AMMECR1: variants seen among roughly 807,000 people sequenced by gnomAD.
AMMECR1 encodes the protein nuclear protein AMMECR1.
A neutral mutation model predicts 22.5 loss-of-function variants in AMMECR1; 3 were observed. That is an observed-to-expected ratio of 0.13 (90% confidence interval 0.06 to 0.35). The LOEUF (loss-of-function observed/expected upper bound fraction) is 0.35. Among genes scored for constraint, AMMECR1 ranks in the 10% least tolerant of loss-of-function variants. The probability of loss-of-function intolerance (pLI) is 1.00; values close to 1 mark genes in which losing one functional copy is unlikely to be tolerated. For synonymous variants in AMMECR1, 130 were observed against 116.7 expected (o/e 1.11, Z -0.74); for missense variants, 235 against 278.7 (o/e 0.84, Z 1.12).
At chrX:110,253,153 T>C (rs2067694606) in intron 2 of AMMECR1, among the ~76,000 whole-genome samples, 1 of 110,301 alleles carries the variant, frequency 9.1e-6, no homozygotes. Flanking sequence ...AAGAGGGGAG[T>C]AGGAGATGAG....
At chrX:110,275,449 T>C (rs180859410) in intron 1 of AMMECR1, among the ~76,000 whole-genome samples, 120 of 111,310 alleles carry the variant, frequency 1.1e-3, no homozygotes, top group Middle Eastern at 4.6e-3. Context: ...GAGAAGTATA[T>C]GGTTCTTCTC....
At chrX:110,215,603 TGAGA>T (rs2067469756) in intron 3 of AMMECR1, among the ~76,000 whole-genome samples, 1 of 112,092 alleles carries the variant, frequency 8.9e-6, no homozygotes, top group South Asian at 3.7e-4. Context: ...AGTGTATGTG[TGAGA>T]GAGAATGTTA....
rs764591800 is a variant in AMMECR1 at position 110,411,136 on chromosome X, G to C, written c.-148+15522C>G. 8.4e-4 allele frequency among the ~76,000 whole-genome samples: 94 copies of C among 112,066 alleles called. 1 individual carries two copies. The highest frequency in any genetic ancestry group is 1.6e-3 in the Non-Finnish European group (86 of 53,216). On this transcript the variant is annotated intron_variant, in intron 2 of 7. Coordinates refer to the AMMECR1 transcript ENST00000372057. Reference sequence around the variant, plus strand: ...GCAAGAGAAGTCAGGGGGCCTATTGGAAAGGAAAAATACTGTGGCCTCCGA... The same window carrying C: ...GCAAGAGAAGTCAGGGGGCCTATTGCAAAGGAAAAATACTGTGGCCTCCGA...
rs763540189 is a variant in AMMECR1, at chrX:110,407,602, C to T, written c.-148+19056G>A. On this transcript the variant is annotated intron_variant, in intron 2 of 7. Coordinates refer to the AMMECR1 transcript ENST00000372057. ...AGAGAGTCTAAGTGAATTTCTTTGT[C>T]TTTAAGCAGTATGAGATAGACCCTG... Among the ~76,000 whole-genome samples, 10 of 112,241 alleles carry T rather than the reference C, an allele frequency of 8.9e-5. 1 individual carries two copies. The South Asian group carries it at 3.7e-3, about 42-fold the overall frequency.
chrX:110,264,947 G>T (rs996989071), intron 1 of AMMECR1, among the ~76,000 whole-genome samples: 4 of 111,508 alleles, frequency 3.6e-5, no homozygotes, highest in African/African-American at 1.3e-4. Flanking sequence ...CTCAAACCTG[G>T]GCAATCTTAA....
intron 2 of AMMECR1, among the ~76,000 whole-genome samples, chrX:110,253,118 G>A (rs2067694361): frequency 8.9e-6 from 1 of 112,497 alleles, no homozygotes; most frequent in African/African-American, 3.2e-5. Context: ...GCCTAGCTAA[G>A]GCCAAGAGAA....
intron 2 of AMMECR1, among the ~76,000 whole-genome samples, chrX:110,394,426 T>C (rs889125986): frequency 4.5e-5 from 5 of 111,948 alleles, no homozygotes; most frequent in Non-Finnish European, 9.4e-5. Flanking sequence ...TAAATTTTTG[T>C]ATTTTTAGTA....
chrX:110,287,967 G>A, intron 1 of AMMECR1, among the ~76,000 whole-genome samples: 1 of 112,015 alleles, frequency 8.9e-6, no homozygotes, highest in Admixed American at 9.4e-5. Flanking sequence ...CTCTTCAGGA[G>A]CTTATACTCT....
intron 2 of AMMECR1, among the ~76,000 whole-genome samples, chrX:110,412,133 C>A (rs1057477606): frequency 1.8e-5 from 2 of 112,366 alleles, no homozygotes; most frequent in Non-Finnish European, 3.8e-5. Flanking sequence ...TCAGCTTTTA[C>A]CTCTCAAATT....
At chrX:110,417,159 C>G (rs750219584) in intron 2 of AMMECR1, among the ~76,000 whole-genome samples, 1 of 112,164 alleles carries the variant, frequency 8.9e-6, no homozygotes, top group African/African-American at 3.2e-5. Context: ...TCTATCCTTA[C>G]CCACTCTGAA....
chrX:110,219,616 T>TAA, intron 2 of AMMECR1: 1 of 739,762 alleles, frequency 1.4e-6, no homozygotes, highest in Non-Finnish European at 1.6e-6. Context: ...ATTCTAGGCT[T>TAA]AAAAAAAAAG....
chrX:110,348,197 AAC>A (rs750577627), intron 2 of AMMECR1, among the ~76,000 whole-genome samples: 153 of 112,126 alleles, frequency 1.4e-3, no homozygotes, highest in Middle Eastern at 4.6e-3. Context: ...CCACCAGATC[AAC>A]AGTTACTTTG....
At chrX:110,407,496 A>G (rs1419311856) in intron 2 of AMMECR1, among the ~76,000 whole-genome samples, 1 of 112,689 alleles carries the variant, frequency 8.9e-6, no homozygotes. Flanking sequence ...CTAGCAGATT[A>G]CTATGTGGCA....
At chrX:110,401,765 C>A (rs772732551) in intron 2 of AMMECR1, among the ~76,000 whole-genome samples, 1 of 112,037 alleles carries the variant, frequency 8.9e-6, no homozygotes. Context: ...TCTCAGTGAG[C>A]CTTCGTTTCC....
At chrX:110,436,682 C>T (rs1000682331) in intron 1 of AMMECR1, among the ~76,000 whole-genome samples, 1 of 111,491 alleles carries the variant, frequency 9.0e-6, no homozygotes, top group African/African-American at 3.3e-5. Context: ...CTCTGTATCC[C>T]CAGGAGAGGA....
intron 2 of AMMECR1, among the ~76,000 whole-genome samples, chrX:110,233,837 G>C (rs1020045085): frequency 1.8e-5 from 2 of 111,795 alleles, no homozygotes; most frequent in Non-Finnish European, 3.8e-5. Flanking sequence ...TCTCAAAATA[G>C]TAAGAGCTAT....
chrX:110,346,834 C>A, intron 2 of AMMECR1: 2 of 670,805 alleles, frequency 3.0e-6, no homozygotes, highest in Non-Finnish European at 5.0e-6. Context: ...GAAACTTTTA[C>A]GCTGTTGAGC....
At position 110,196,976 on chromosome X, in the gene AMMECR1, T is replaced by A. The variant is rs2067373795; in HGVS notation, c.*1544A>T. Reference sequence around the variant, plus strand: ...ATCACTTGATATGTTGGCTTCCTATTTGAAAAAATTATATATATTTTTCCA... The same window carrying A: ...ATCACTTGATATGTTGGCTTCCTATATGAAAAAATTATATATATTTTTCCA... On this transcript the variant is annotated 3_prime_UTR_variant, in exon 6 of 6. Coordinates refer to ENST00000262844, the MANE Select transcript of AMMECR1 (RefSeq NM_015365.3). The A allele has an allele frequency of 8.9e-6, 1 of 112,244 alleles. No homozygotes were observed. The highest frequency in any genetic ancestry group is 1.9e-5 in the Non-Finnish European group (1 of 53,171). The allele number at this position is 112,244 out of a possible 1,213,427, so 9.3% of individuals were successfully genotyped here.
intron 1 of AMMECR1, among the ~76,000 whole-genome samples, chrX:110,291,338 C>T (rs768392977): frequency 9.0e-6 from 1 of 110,632 alleles, no homozygotes; most frequent in East Asian, 2.8e-4. Flanking sequence ...GCCTGGCCAA[C>T]ATGGTGAAAC....
Sources: allele counts gnomAD v4.1 joint callset (sites outside exome capture counted in the v4.1 genomes callset), GRCh38; gene constraint gnomAD v4.1.1; transcripts MANE v1.5; gene names NCBI Gene and HGNC (gene_info 2026-07-23, HGNC 2026-07-21).